Variants in DLGAP1 observed in about 807,000 individuals in gnomAD.
DLGAP1 encodes the protein disks large-associated protein 1.
DLGAP1 carries 11 observed loss-of-function variants against 90.8 expected under a neutral mutation model. That is an observed-to-expected ratio of 0.12 (90% CI 0.08 to 0.20). The LOEUF is 0.20. Among genes scored for constraint, DLGAP1 ranks in the 10% least tolerant of loss-of-function variants. The pLI, the probability that DLGAP1 is intolerant of heterozygous loss-of-function variation, is 1.00. For missense variants in DLGAP1, 1,050 were observed against 1,333.8 expected (o/e 0.79, Z 3.31); for synonymous variants, 558 against 540.7 (o/e 1.03, Z -0.44).
At chr18:3,773,695 T>C (rs1378468565) in intron 5 of DLGAP1, among the ~76,000 whole-genome samples, 1 of 152,238 alleles carries the variant, frequency 6.6e-6, no homozygotes, top group African/African-American at 2.4e-5. Context: ...CATTTTTAAC[T>C]GATAGTAAGT....
chr18:4,171,058 A>C (rs1396345531), intron 1 of DLGAP1, among the ~76,000 whole-genome samples: 2 of 150,730 alleles, frequency 1.3e-5, no homozygotes, highest in African/African-American at 4.9e-5. Flanking sequence ...TCATATTTTT[A>C]AATCCTCCAG....
intron 7 of DLGAP1, chr18:3,656,280 T>C (rs1285051880): frequency 1.8e-6 from 1 of 557,990 alleles, no homozygotes; most frequent in African/African-American, 1.9e-5. Flanking sequence ...TTTTTAGTCT[T>C]AACTAGGTCT....
At chr18:4,268,872 C>A (rs2079191462) in intron 1 of DLGAP1, among the ~76,000 whole-genome samples, 1 of 152,018 alleles carries the variant, frequency 6.6e-6, no homozygotes, top group Non-Finnish European at 1.5e-5. Context: ...TAAGAAATTA[C>A]ACAATACAGA....
intron 1 of DLGAP1, among the ~76,000 whole-genome samples, chr18:4,385,031 C>T (rs1405068279): frequency 1.3e-5 from 2 of 152,004 alleles, no homozygotes; most frequent in Non-Finnish European, 2.9e-5. Flanking sequence ...GCCTCATTGC[C>T]ATGGAAATAA....
chr18:3,733,052 A>G (rs1423152570), intron 6 of DLGAP1, among the ~76,000 whole-genome samples: 1 of 152,218 alleles, frequency 6.6e-6, no homozygotes, highest in African/African-American at 2.4e-5. Flanking sequence ...GGAATATTCT[A>G]TAACTATCCA....
At chr18:4,126,427 T>G (rs771662114) in intron 2 of DLGAP1, among the ~76,000 whole-genome samples, 2 of 152,228 alleles carry the variant, frequency 1.3e-5, no homozygotes, top group African/African-American at 2.4e-5. Flanking sequence ...TTCAATATCA[T>G]GCACAAATGC....
At chr18:4,011,608 G>A (rs2074423904) in intron 2 of DLGAP1, among the ~76,000 whole-genome samples, 1 of 152,072 alleles carries the variant, frequency 6.6e-6, no homozygotes, top group Admixed American at 6.5e-5. Flanking sequence ...CTTGAGCTCA[G>A]TAGTTCAAGA....
chr18:3,534,550 T>C lies in DLGAP1; in HGVS notation c.2123A>G (p.Asp708Gly), dbSNP rs963658221. The C allele has an allele frequency of 2.5e-6, 4 of 1,613,620 alleles. No individual in the cohort carries two copies. The African/African-American group carries it at 5.3e-5, about 22-fold the overall frequency. The change falls in exon 10 of 13, where the codon GAT (aspartate) becomes GGT (glycine). Residue 708 changes from aspartate to glycine, a missense_variant. Asp to Gly is a moderately conservative substitution (Grantham distance 94). Around this residue, in one of 2 missense-constraint regions of DLGAP1, gnomAD observed 565 missense variants for 879.7 expected, o/e 0.64. Coordinates refer to ENST00000315677, the MANE Select transcript of DLGAP1 (RefSeq NM_004746.4). Reference sequence around the variant, plus strand: ...AGATTCCAGAGAATTTTCCAGATTATCATGGAAGTCCAGGTCGGCCTGTAC... The same window carrying C: ...AGATTCCAGAGAATTTTCCAGATTACCATGGAAGTCCAGGTCGGCCTGTAC... Reference protein sequence around the residue: ...TAVQADLDFHDNLENSLESIE... With the variant: ...TAVQADLDFHGNLENSLESIE...
rs529308656 is a variant in DLGAP1, at chr18:4,327,848, G to A, written c.-267+127158C>T. Among the ~76,000 whole-genome samples, 3 of 151,990 alleles carry A rather than the reference G, an allele frequency of 2.0e-5. No individual in the cohort carries two copies. The East Asian group carries it at 5.8e-4, about 29-fold the overall frequency. On this transcript the variant is annotated intron_variant, in intron 1 of 12. Coordinates refer to ENST00000315677, the MANE Select transcript of DLGAP1 (RefSeq NM_004746.4). ...GAATCGTATGGGATGCAATGTTTGT[G>A]TTTTGCTTTGATGGGAATCAGTATA...
intron 1 of DLGAP1, among the ~76,000 whole-genome samples, chr18:4,229,096 T>C (rs945776861): frequency 4.6e-5 from 7 of 151,846 alleles, no homozygotes; most frequent in Non-Finnish European, 5.9e-5. Context: ...TTGCTACACA[T>C]AAAATTAAAT....
chr18:4,329,030 T>C (rs541275356), intron 1 of DLGAP1, among the ~76,000 whole-genome samples: 140 of 152,116 alleles, frequency 9.2e-4, no homozygotes, highest in African/African-American at 3.2e-3. Flanking sequence ...GAACAAATAT[T>C]TTAACTTTAA....
chr18:4,081,720 A>C (rs1199646032), intron 2 of DLGAP1, among the ~76,000 whole-genome samples: 1 of 152,224 alleles, frequency 6.6e-6, no homozygotes, highest in Non-Finnish European at 1.5e-5. Context: ...ACTTGTCATC[A>C]ACCATTGCCT....
At chr18:3,947,567 T>C (rs752967227) in intron 3 of DLGAP1, among the ~76,000 whole-genome samples, 1 of 152,316 alleles carries the variant, frequency 6.6e-6, no homozygotes, top group Non-Finnish European at 1.5e-5. Flanking sequence ...TACACATACG[T>C]ATGTTAAAGG....
At chr18:3,754,723 C>CAAAAAAAAAAAAAAAA (rs1161245616) in intron 5 of DLGAP1, among the ~76,000 whole-genome samples, 2 of 58,768 alleles carry the variant, frequency 3.4e-5, no homozygotes, top group Non-Finnish European at 3.7e-5. Context: ...TACTAAAATA[C>CAAAAAAAAAAAAAAAA]AAAAAAAAAA....
At position 4,255,242 on chromosome 18, in the gene DLGAP1, C is replaced by T. The variant is rs2078864879; in HGVS notation, c.-266-103955G>A. On this transcript the variant is annotated intron_variant, in intron 1 of 12. Coordinates refer to ENST00000315677, the MANE Select transcript of DLGAP1 (RefSeq NM_004746.4). Reference sequence around the variant, plus strand: ...ACTACTTGAGAAGCAGAGGTGGAAACAAGGAAGCTGCCAAATGAATATGAA... The same window carrying T: ...ACTACTTGAGAAGCAGAGGTGGAAATAAGGAAGCTGCCAAATGAATATGAA... Among the ~76,000 whole-genome samples the T allele has an allele frequency of 5.3e-5, 8 of 152,270 alleles. No individual in the cohort carries two copies. The South Asian group carries it at 1.7e-3, about 32-fold the overall frequency.
intron 5 of DLGAP1, among the ~76,000 whole-genome samples, chr18:3,785,203 C>A (rs759724981): frequency 2.6e-5 from 4 of 152,116 alleles, no homozygotes; most frequent in Non-Finnish European, 4.4e-5. Context: ...CTTAGAAAAC[C>A]CACAGAGTTA....
chr18:4,386,138 G>T (rs2082225696), intron 1 of DLGAP1, among the ~76,000 whole-genome samples: 1 of 152,074 alleles, frequency 6.6e-6, no homozygotes, highest in Non-Finnish European at 1.5e-5. Flanking sequence ...TGGCTACAAT[G>T]ATAGCTATGA....
Position 4,393,991 on chromosome 18 carries a change from G to C in DLGAP1, c.-267+61015C>G, listed in dbSNP as rs1284973358. 2.6e-5 allele frequency among the ~76,000 whole-genome samples: 4 copies of C among 152,156 alleles called. No homozygotes were observed. In the South Asian group the frequency reaches 8.3e-4, roughly 32 times the overall value. ...CATCTCCTTCCTGCTGTGCGGCCAG[G>C]TTCCTAACTGGCCAGGGACTGGTAC... On this transcript the variant is annotated intron_variant, in intron 1 of 12. Transcript: ENST00000315677.
At position 3,527,410 on chromosome 18, in the gene DLGAP1, C is replaced by CTGTTTTTT. The variant is rs1555668846; in HGVS notation, c.2479+6783_2479+6784insAAAAAACA. Among the ~76,000 whole-genome samples the CTGTTTTTT allele has an allele frequency of 4.9e-3, 491 of 100,676 alleles. 70 individuals carry two copies. Among genetic ancestry groups the CTGTTTTTT allele is most frequent in the South Asian group, 9.1e-3 (26 of 2,854 alleles). The allele number at this position is 100,676 out of a possible 152,430, so 66.0% of individuals were successfully genotyped here. On this transcript the variant is annotated intron_variant, in intron 10 of 12. Coordinates refer to ENST00000315677, the MANE Select transcript of DLGAP1 (RefSeq NM_004746.4). ...GTGAGTAAACAGGTTATTTTCCAAA[C>CTGTTTTTT]TTTTTTTTTTTTTTTTTTTTTTGCC... is the stretch of plus-strand genomic sequence containing the variant.
Sources: allele counts gnomAD v4.1 joint callset (sites outside exome capture counted in the v4.1 genomes callset), GRCh38; gene constraint gnomAD v4.1.1; regional missense constraint gnomAD v4.1.1; transcripts MANE v1.5; gene names NCBI Gene and HGNC (gene_info 2026-07-23, HGNC 2026-07-21).